Variants in ARHGAP24 observed in about 807,000 individuals in gnomAD.
ARHGAP24 encodes Rho GTPase activating protein 24.
ARHGAP24 carries 50 observed loss-of-function variants against 76.4 expected under a neutral mutation model. The observed-to-expected ratio is 0.65, with a 90% CI of 0.52 to 0.83. ARHGAP24 has a LOEUF of 0.83. Ranked by LOEUF, ARHGAP24 falls within the 40% of genes least tolerant of loss-of-function variation. The pLI, the probability that ARHGAP24 is intolerant of heterozygous loss-of-function variation, is 0.00. For missense variants in ARHGAP24, 930 were observed against 914.2 expected, an observed-to-expected ratio of 1.02 and a Z score of -0.22; for synonymous variants, 345 against 323.3, an observed-to-expected ratio of 1.07 and a Z score of -0.72.
At chr4:85,830,187 C>T (rs1469430942) in intron 3 of ARHGAP24, among the ~76,000 whole-genome samples, 1 of 152,234 alleles carries the variant, frequency 6.6e-6, no homozygotes, top group African/African-American at 2.4e-5. Flanking sequence ...TATAAACTCA[C>T]TAAGTTCTTC....
At chr4:85,764,454 C>T (rs1377206239) in intron 3 of ARHGAP24, among the ~76,000 whole-genome samples, 1 of 152,080 alleles carries the variant, frequency 6.6e-6, no homozygotes, top group Non-Finnish European at 1.5e-5. Context: ...CCTTTTCATT[C>T]TTTGTAGAGA....
chr4:85,640,581 C>CATCTTA (rs892128773), intron 2 of ARHGAP24, among the ~76,000 whole-genome samples: 3 of 152,136 alleles, frequency 2.0e-5, no homozygotes, highest in Non-Finnish European at 1.5e-5. Flanking sequence ...ATTAAACAAA[C>CATCTTA]ATCTTATTGA....
chr4:85,551,838 G>GTT lies in ARHGAP24; in HGVS notation c.-20-18678_-20-18677dup, dbSNP rs34604630. ...GAGTTTTGTATAGTAGTCTCTGAGG[G>GTT]TTTTTTTGTATTTCTGTGGTGTATT... On this transcript the variant is annotated intron_variant, in intron 1 of 9. Coordinates refer to ENST00000395184, the MANE Select transcript of ARHGAP24 (RefSeq NM_001025616.3). 8.1e-3 allele frequency among the ~76,000 whole-genome samples: 1,233 copies of GTT among 151,956 alleles called. 3 individuals carry two copies. The highest frequency in any genetic ancestry group is 0.014 in the Middle Eastern group (4 of 294).
Position 85,612,374 on chromosome 4 carries a change from G to C in ARHGAP24, c.180+41653G>C, listed in dbSNP as rs1444466101. On this transcript the variant is annotated intron_variant, in intron 2 of 9. Coordinates refer to ENST00000395184, the MANE Select transcript of ARHGAP24 (RefSeq NM_001025616.3). ...CACTGCAGAGCTGGCAGTGAGCCGA[G>C]TGCACTCCACTCGGCGTGGAGTGAG... Among the ~76,000 whole-genome samples the C allele has an allele frequency of 2.7e-5, 4 of 145,872 alleles. No individual in the cohort carries two copies. The South Asian group carries it at 9.4e-4, about 34-fold the overall frequency.
intron 3 of ARHGAP24, among the ~76,000 whole-genome samples, chr4:85,872,396 A>G (rs1284366815): frequency 6.6e-6 from 1 of 151,748 alleles, no homozygotes; most frequent in Non-Finnish European, 1.5e-5. Flanking sequence ...TCCCTGATTC[A>G]AGCAATTCTC....
At chr4:85,842,013 G>T in intron 3 of ARHGAP24, among the ~76,000 whole-genome samples, 1 of 152,118 alleles carries the variant, frequency 6.6e-6, no homozygotes, top group East Asian at 1.9e-4. Context: ...TCAAACTGTT[G>T]AATATTTTAG....
At chr4:85,757,381 G>A (rs564331840) in intron 3 of ARHGAP24, among the ~76,000 whole-genome samples, 4 of 144,450 alleles carry the variant, frequency 2.8e-5, no homozygotes, top group African/African-American at 1.0e-4. Context: ...GCAACCCCAC[G>A]ACAGACCCCG....
chr4:85,609,887 T>C (rs1335941386), intron 2 of ARHGAP24, among the ~76,000 whole-genome samples: 1 of 152,220 alleles, frequency 6.6e-6, no homozygotes. Flanking sequence ...ATGAAATACT[T>C]TGATGACCTG....
intron 2 of ARHGAP24, among the ~76,000 whole-genome samples, chr4:85,690,659 T>TCATCTTTG (rs1261714245): frequency 2.6e-5 from 4 of 151,968 alleles, no homozygotes; most frequent in Admixed American, 2.0e-4. Flanking sequence ...AGTTGTAATG[T>TCATCTTTG]CATCTTTGTC....
intron 2 of ARHGAP24, among the ~76,000 whole-genome samples, chr4:85,613,879 T>G (rs745594099): frequency 1.3e-5 from 2 of 152,220 alleles, no homozygotes; most frequent in Non-Finnish European, 2.9e-5. Context: ...ATTAGGTTTT[T>G]GGCACAGTAG....
In ARHGAP24 at chr4:86,000,517, T is replaced by C; in HGVS notation, c.2042T>C (p.Met681Thr). 1 of 1,566,418 alleles carries C rather than the reference T, an allele frequency of 6.4e-7. No homozygotes were observed. The highest frequency in any genetic ancestry group is 1.7e-4 in the Middle Eastern group (1 of 5,832). The change falls in exon 10 of 10, where the codon ATG (methionine) becomes ACG (threonine). Residue 681 changes from methionine to threonine, a missense_variant. Physicochemically the swap from Met to Thr is moderately conservative, Grantham distance 81 (BLOSUM62 -1). Coordinates refer to ENST00000395184, the MANE Select transcript of ARHGAP24 (RefSeq NM_001025616.3). The stretch of plus-strand genomic sequence containing the variant: ...AACTTGACTTTGGAAACAGAAATGA[T>C]GAGCCTCCATGATGAACTGGATCAG... Reference protein sequence around the residue: ...QRNLTLETEMMSLHDELDQER... With the variant: ...QRNLTLETEMTSLHDELDQER...
chr4:85,655,820 G>T (rs944447320), intron 2 of ARHGAP24, among the ~76,000 whole-genome samples: 2 of 104,388 alleles, frequency 1.9e-5, no homozygotes, highest in East Asian at 8.3e-4. Flanking sequence ...GAGAGAGAAA[G>T]AGAGAGAGAG....
At chr4:85,932,770 G>T (rs1040527134) in intron 4 of ARHGAP24, among the ~76,000 whole-genome samples, 1 of 152,186 alleles carries the variant, frequency 6.6e-6, no homozygotes, top group Non-Finnish European at 1.5e-5. Flanking sequence ...GAGAGGAGGT[G>T]CAGGAAGCGT....
chr4:85,953,651 T>C (rs898238997), intron 5 of ARHGAP24, among the ~76,000 whole-genome samples: 1 of 151,986 alleles, frequency 6.6e-6, no homozygotes, highest in Admixed American at 6.6e-5. Flanking sequence ...TTTTTTTTTT[T>C]AATCTGCCTG....
chr4:85,612,387 G>A (rs953298157), intron 2 of ARHGAP24, among the ~76,000 whole-genome samples: 5 of 151,800 alleles, frequency 3.3e-5, no homozygotes, highest in African/African-American at 7.3e-5. Flanking sequence ...CACTCCACTC[G>A]GCGTGGAGTG....
At chr4:85,555,171 T>C (rs141730530) in intron 1 of ARHGAP24, among the ~76,000 whole-genome samples, 163 of 152,364 alleles carry the variant, frequency 1.1e-3, no homozygotes, top group African/African-American at 3.8e-3. Flanking sequence ...GTGAAACTAG[T>C]GCAGTTGTTG....
At chr4:85,487,856 TATATATATTATATAAATATATA>T (rs1723184027) in intron 1 of ARHGAP24, among the ~76,000 whole-genome samples, 1 of 123,602 alleles carries the variant, frequency 8.1e-6, no homozygotes, top group Non-Finnish European at 1.6e-5. Context: ...ATATATTTAT[TATATATATTATATAAATATATA>T]ATATATATAA....
At chr4:85,487,187 AT>A (rs1249844925) in intron 1 of ARHGAP24, among the ~76,000 whole-genome samples, 2 of 136,946 alleles carry the variant, frequency 1.5e-5, no homozygotes, top group African/African-American at 5.4e-5. Flanking sequence ...TTTTATATAT[AT>A]AAAAATATAT....
At chr4:85,848,413 T>A (rs969364748) in intron 3 of ARHGAP24, among the ~76,000 whole-genome samples, 3 of 152,184 alleles carry the variant, frequency 2.0e-5, no homozygotes, top group Non-Finnish European at 4.4e-5. Context: ...AATTCCCACC[T>A]ATGAGTGAGA....
Sources: allele counts gnomAD v4.1 joint callset (sites outside exome capture counted in the v4.1 genomes callset), GRCh38; gene constraint gnomAD v4.1.1; transcripts MANE v1.5; gene names NCBI Gene and HGNC (gene_info 2026-07-23, HGNC 2026-07-21).